CCDC73: variants seen among roughly 807,000 people sequenced by gnomAD.
The protein encoded by CCDC73 is coiled-coil domain-containing protein 73.
In CCDC73, 95 loss-of-function variants were observed where a neutral mutation model predicts 116.5. That is an observed-to-expected ratio of 0.82 (90% confidence interval 0.69 to 0.97). The LOEUF (loss-of-function observed/expected upper bound fraction) is 0.97, where lower values mean the gene tolerates loss of function less well. Ranked by LOEUF, CCDC73 falls within the 50% of genes least tolerant of loss-of-function variation. CCDC73 has a pLI of 0.00. For synonymous variants in CCDC73, 398 were observed against 401.3 expected (o/e 0.99, Z 0.10); for missense variants, 1,066 against 1,206.8 (o/e 0.88, Z 1.73).
chr11:32,781,879 C>T (rs1011438183), intron 1 of CCDC73, among the ~76,000 whole-genome samples: 17 of 152,232 alleles, frequency 1.1e-4, no homozygotes, highest in African/African-American at 3.9e-4. Context: ...GATACTGGTC[C>T]GTGGCCTGTT....
upstream of CCDC73, among the ~76,000 whole-genome samples, chr11:32,795,280 G>A (rs572060134): frequency 7.9e-5 from 12 of 152,032 alleles, no homozygotes; most frequent in Non-Finnish European, 1.6e-4. Flanking sequence ...ACCAGCCTAG[G>A]CAACATGGTG....
In CCDC73 at chr11:32,619,436, T is replaced by G. The variant is rs551061501; in HGVS notation, c.1186-3307A>C. On this transcript the variant is annotated intron_variant, in intron 14 of 17. Coordinates refer to ENST00000335185, the MANE Select transcript of CCDC73 (RefSeq NM_001008391.4). ...CTGTAATCCCAGTGTTTTGGGAGGC[T>G]GAGATGAGAGGACTACTTGAGGCCA... Among the ~76,000 whole-genome samples, 3 of 152,328 alleles carry G rather than the reference T, an allele frequency of 2.0e-5. No homozygotes were observed. In the South Asian group the frequency reaches 6.2e-4, roughly 32 times the overall value.
chr11:32,621,208 T>C (rs1029878700), intron 14 of CCDC73, among the ~76,000 whole-genome samples: 1 of 152,184 alleles, frequency 6.6e-6, no homozygotes, highest in African/African-American at 2.4e-5. Flanking sequence ...AGAGCCAGTA[T>C]AGCCAAGACA....
chr11:32,721,116 C>T (rs1048242512), intron 2 of CCDC73, among the ~76,000 whole-genome samples: 56 of 152,122 alleles, frequency 3.7e-4, no homozygotes, highest in African/African-American at 1.3e-3. Context: ...CCTCCGCATC[C>T]CAGGTTCAAG....
intron 14 of CCDC73, among the ~76,000 whole-genome samples, chr11:32,625,243 T>C (rs761921662): frequency 4.0e-4 from 61 of 152,198 alleles, no homozygotes; most frequent in Non-Finnish European, 8.2e-4. Flanking sequence ...AATTTGCCAG[T>C]CTGTGTCTTT....
chr11:32,640,916 C>T (rs547788649), intron 13 of CCDC73, among the ~76,000 whole-genome samples: 11 of 151,500 alleles, frequency 7.3e-5, no homozygotes, highest in South Asian at 6.3e-4. Flanking sequence ...ACTCAGGAGG[C>T]GAGGCAGGAG....
Position 32,783,248 on chromosome 11 carries a change from C to G in CCDC73, c.-16+11365G>C, listed in dbSNP as rs138500594. 1.6e-3 allele frequency among the ~76,000 whole-genome samples: 251 copies of G among 152,128 alleles called. No homozygotes were observed. In the Middle Eastern group the frequency reaches 0.017, roughly 10 times the overall value. ...GAAGCTAGAATAAAGAAACTAAGCCCTCAGTTTAAAGGGAAAATGATTACC... is the reference window on the plus strand; with the variant it reads ...GAAGCTAGAATAAAGAAACTAAGCCGTCAGTTTAAAGGGAAAATGATTACC... On this transcript the variant is annotated intron_variant, in intron 1 of 17. Coordinates refer to ENST00000335185, the MANE Select transcript of CCDC73 (RefSeq NM_001008391.4).
chr11:32,781,710 T>C (rs1181493790), intron 1 of CCDC73, among the ~76,000 whole-genome samples: 1 of 152,204 alleles, frequency 6.6e-6, no homozygotes, highest in African/African-American at 2.4e-5. Context: ...GGGTGGCTAC[T>C]ATATGGAAAA....
At chr11:32,647,019 A>G (rs1486130179) in intron 12 of CCDC73, among the ~76,000 whole-genome samples, 1 of 152,166 alleles carries the variant, frequency 6.6e-6, no homozygotes, top group African/African-American at 2.4e-5. Context: ...TTAACTAAAC[A>G]TACTTTCTTA....
intron 6 of CCDC73, among the ~76,000 whole-genome samples, chr11:32,685,941 C>T (rs1236475120): frequency 3.3e-5 from 5 of 151,654 alleles, no homozygotes; most frequent in South Asian, 2.1e-4. Flanking sequence ...AGGATGGTCT[C>T]GATCTCTTGA....
chr11:32,665,326 A>T (rs1411450306), intron 9 of CCDC73, among the ~76,000 whole-genome samples: 2 of 152,122 alleles, frequency 1.3e-5, no homozygotes, highest in Non-Finnish European at 2.9e-5. Flanking sequence ...GACTTGCTTT[A>T]TGAATCTGGG....
At chr11:32,686,270 G>C (rs1192052287) in intron 6 of CCDC73, among the ~76,000 whole-genome samples, 2 of 147,852 alleles carry the variant, frequency 1.4e-5, no homozygotes, top group East Asian at 4.1e-4. Context: ...TAACAAGGAT[G>C]GAAAAGATTA....
intron 17 of CCDC73, among the ~76,000 whole-genome samples, chr11:32,608,022 G>A (rs1043156933): frequency 1.8e-4 from 12 of 67,478 alleles, no homozygotes; most frequent in Admixed American, 8.0e-4. Flanking sequence ...AGGAAAGACC[G>A]GCCCCCCCCA....
At chr11:32,661,214 T>C (rs1855919437) in intron 9 of CCDC73, among the ~76,000 whole-genome samples, 1 of 152,198 alleles carries the variant, frequency 6.6e-6, no homozygotes, top group African/African-American at 2.4e-5. Flanking sequence ...GAGCTGGTAG[T>C]TTAGGAGCAT....
intron 1 of CCDC73, among the ~76,000 whole-genome samples, chr11:32,763,921 AC>A (rs1850415877): frequency 6.6e-6 from 1 of 152,336 alleles, no homozygotes; most frequent in Admixed American, 6.5e-5. Context: ...TCCTTAAATG[AC>A]CTGATGGAGC....
At chr11:32,731,373 C>T (rs1366067106) in intron 2 of CCDC73, among the ~76,000 whole-genome samples, 2 of 152,206 alleles carry the variant, frequency 1.3e-5, no homozygotes, top group African/African-American at 4.8e-5. Context: ...CAAAAGGCAT[C>T]AGAAACCTCT....
chr11:32,767,849 T>C (rs920435573), intron 1 of CCDC73, among the ~76,000 whole-genome samples: 12 of 152,068 alleles, frequency 7.9e-5, no homozygotes, highest in Admixed American at 3.3e-4. Flanking sequence ...TGTGGAGAAA[T>C]AGGAACACTT....
chr11:32,698,373 A>G (rs1244060242), intron 6 of CCDC73, among the ~76,000 whole-genome samples: 1 of 152,168 alleles, frequency 6.6e-6, no homozygotes, highest in Non-Finnish European at 1.5e-5. Flanking sequence ...AGAATGTGCC[A>G]CACATTGTGA....
intron 6 of CCDC73, among the ~76,000 whole-genome samples, chr11:32,695,817 AGTTTTTTTTTTGTTTTT>A (rs1856305901): frequency 6.7e-6 from 1 of 149,228 alleles, no homozygotes; most frequent in Non-Finnish European, 1.5e-5. Context: ...TAAGCGTTTA[AGTTTTTTTTTTGTTTTT>A]GTTTTTTTTT....
Sources: allele counts gnomAD v4.1 joint callset (sites outside exome capture counted in the v4.1 genomes callset), GRCh38; gene constraint gnomAD v4.1.1; transcripts MANE v1.5; gene names NCBI Gene and HGNC (gene_info 2026-07-23, HGNC 2026-07-21).